SORCS2: variants seen among roughly 807,000 people sequenced by gnomAD.
The protein encoded by SORCS2 is VPS10 domain-containing receptor SorCS2.
SORCS2 carries 100 observed loss-of-function variants against 141.6 expected under a neutral mutation model. That is an observed-to-expected ratio of 0.71 (90% CI 0.60 to 0.83). The LOEUF (loss-of-function observed/expected upper bound fraction) is 0.83, where lower values mean the gene tolerates loss of function less well. SORCS2 is among the 40% of genes least tolerant of loss of function. The pLI, the probability that SORCS2 is intolerant of heterozygous loss-of-function variation, is 0.00. For synonymous variants in SORCS2, 789 were observed against 676.9 expected, an observed-to-expected ratio of 1.17 and a Z score of -2.57; for missense variants, 1,646 against 1,560.2, an observed-to-expected ratio of 1.05 and a Z score of -0.93.
chr4:7,696,244 C>T (rs994747684), intron 11 of SORCS2, among the ~76,000 whole-genome samples: 13 of 152,142 alleles, frequency 8.5e-5, no homozygotes, highest in African/African-American at 3.1e-4. Context: ...TCTGGGGCCC[C>T]AGAACAGCTT....
intron 3 of SORCS2, among the ~76,000 whole-genome samples, chr4:7,607,911 A>T (rs1171594103): frequency 2.0e-5 from 3 of 152,166 alleles, no homozygotes; most frequent in African/African-American, 7.2e-5. Flanking sequence ...TTGAAGTCAC[A>T]GTCCCCGGCT....
At chr4:7,728,498 C>T (rs370202349) in intron 22 of SORCS2, 36 bp downstream of exon 22, 322 of 1,486,278 alleles carry the variant, frequency 2.2e-4, no homozygotes, top group African/African-American at 5.0e-4. Flanking sequence ...CCCAGCCCCA[C>T]GGTGCTTCCG....
At position 7,718,169 on chromosome 4, in the gene SORCS2, G is replaced by A; in HGVS notation, c.2410G>A (p.Val804Met). 2.5e-6 allele frequency: 4 copies of A among 1,610,606 alleles called. No individual in the cohort carries two copies. The highest frequency in any genetic ancestry group is 3.4e-6 in the Non-Finnish European group (4 of 1,179,294). The change falls in exon 18 of 27, where the codon GTG (valine) becomes ATG (methionine). Residue 804 changes from valine (V) to methionine (M), a missense_variant. Coordinates refer to ENST00000507866, the MANE Select transcript of SORCS2 (RefSeq NM_020777.3). ...GCCTGGAGAGGACGTCCTGTTTGTG[G>A]TGCGGCAGGAGCAGGTGAGTGAGCA... ...VRPGEDVLFV[V>M]RQEQGDVLTT... is the part of the protein sequence containing the mutation.
chr4:7,383,177 C>G (rs566420534), intron 1 of SORCS2, among the ~76,000 whole-genome samples: 1 of 152,056 alleles, frequency 6.6e-6, no homozygotes, highest in Admixed American at 6.6e-5. Context: ...TAATTTGGTA[C>G]GGAGCTCAAG....
Position 7,244,793 on chromosome 4 carries a change from C to T in SORCS2, c.480+51667C>T, listed in dbSNP as rs115020592. On this transcript the variant is annotated intron_variant, in intron 1 of 26. Transcript: ENST00000507866. ...TTCGGCCATTGGGAAAAGGAGGCTGCAGCCGGGACAGGCTGCTCAGCAGCT... is the reference window on the plus strand; with the variant it reads ...TTCGGCCATTGGGAAAAGGAGGCTGTAGCCGGGACAGGCTGCTCAGCAGCT... Among the ~76,000 whole-genome samples, 1,471 of 152,356 alleles carry T rather than the reference C, an allele frequency of 9.7e-3. 25 individuals are homozygous for T. Among genetic ancestry groups the T allele is most frequent in the African/African-American group, 0.034 (1,406 of 41,586 alleles).
At chr4:7,537,457 A>C (rs1712222955) in intron 3 of SORCS2, among the ~76,000 whole-genome samples, 1 of 151,832 alleles carries the variant, frequency 6.6e-6, no homozygotes, top group Admixed American at 6.6e-5. Context: ...ACCCACACCC[A>C]CCCATTCAGC....
chr4:7,302,814 G>A lies in SORCS2; in HGVS notation c.481-93474G>A, dbSNP rs4689686. 6.1e-3 allele frequency among the ~76,000 whole-genome samples: 601 copies of A among 98,724 alleles called. 4 individuals carry two copies. Among genetic ancestry groups the A allele is most frequent in the African/African-American group, 0.018 (577 of 31,386 alleles). The allele number at this position is 98,724 out of a possible 152,430, so 64.8% of individuals were successfully genotyped here. Reference sequence around the variant, plus strand: ...GCGCGCGCGTGTGTGTGTGTTTGTAGGAGTGTTCTCCTATACCTTTTTACG... The same window carrying A: ...GCGCGCGCGTGTGTGTGTGTTTGTAAGAGTGTTCTCCTATACCTTTTTACG... On this transcript the variant is annotated intron_variant, in intron 1 of 26. Coordinates refer to ENST00000507866, the MANE Select transcript of SORCS2 (RefSeq NM_020777.3).
intron 1 of SORCS2, among the ~76,000 whole-genome samples, chr4:7,206,983 CTT>C (rs1282842436): frequency 1.7e-4 from 26 of 152,268 alleles, no homozygotes; most frequent in East Asian, 3.9e-4. Flanking sequence ...ACGGAAATGA[CTT>C]TGCAGCATCA....
chr4:7,640,889 G>A (rs190883449), intron 4 of SORCS2, among the ~76,000 whole-genome samples: 100 of 152,224 alleles, frequency 6.6e-4, no homozygotes, highest in African/African-American at 2.2e-3. Flanking sequence ...AATGCACTGA[G>A]GCTTCCCACA....
At chr4:7,229,925 G>C (rs113730640) in intron 1 of SORCS2, among the ~76,000 whole-genome samples, 1 of 147,190 alleles carries the variant, frequency 6.8e-6, no homozygotes, top group African/African-American at 2.5e-5. Context: ...TCAAGTCTTC[G>C]AGTCTCTGGG....
intron 2 of SORCS2, among the ~76,000 whole-genome samples, chr4:7,403,999 T>G (rs4326015): frequency 1.3e-4 from 1 of 7,566 alleles, no homozygotes; most frequent in Non-Finnish European, 3.7e-4. Context: ...ATATATATAT[T>G]TTTTTTTTTT....
At chr4:7,642,348 C>T (rs886766823) in intron 4 of SORCS2, among the ~76,000 whole-genome samples, 2 of 152,204 alleles carry the variant, frequency 1.3e-5, no homozygotes, top group Non-Finnish European at 2.9e-5. Context: ...CTTATTTTCC[C>T]GCAGAAATTG....
At chr4:7,287,781 G>C (rs888431059) in intron 1 of SORCS2, among the ~76,000 whole-genome samples, 1 of 152,204 alleles carries the variant, frequency 6.6e-6, no homozygotes, top group Non-Finnish European at 1.5e-5. Context: ...GTGGGTCTGC[G>C]GCTTCCTGTC....
At chr4:7,560,309 G>A (rs1425215902) in intron 3 of SORCS2, among the ~76,000 whole-genome samples, 8 of 152,176 alleles carry the variant, frequency 5.3e-5, no homozygotes. Context: ...TATGGGGTGG[G>A]ATGGAGGGCG....
At chr4:7,574,168 T>C (rs1237637209) in intron 3 of SORCS2, among the ~76,000 whole-genome samples, 1 of 152,260 alleles carries the variant, frequency 6.6e-6, no homozygotes, top group Non-Finnish European at 1.5e-5. Flanking sequence ...GAGCATCAGC[T>C]CAGAGAAGCG....
At chr4:7,352,108 G>T (rs1560212335) in intron 1 of SORCS2, among the ~76,000 whole-genome samples, 1 of 152,082 alleles carries the variant, frequency 6.6e-6, no homozygotes, top group Non-Finnish European at 1.5e-5. Flanking sequence ...GGTGGGGTTA[G>T]TTGCTTCTTC....
intron 1 of SORCS2, among the ~76,000 whole-genome samples, chr4:7,285,811 G>A (rs536096605): frequency 6.6e-6 from 1 of 152,356 alleles, no homozygotes. Context: ...GGGTGCGGGA[G>A]TGTGTGGGCC....
chr4:7,691,564 C>T (rs77210204), intron 11 of SORCS2, among the ~76,000 whole-genome samples: 2,697 of 152,148 alleles, frequency 0.018, 86 homozygotes, highest in African/African-American at 0.061. Context: ...TCTATATGCC[C>T]GGGGTCCTAG....
intron 1 of SORCS2, among the ~76,000 whole-genome samples, chr4:7,220,734 T>A (rs10023421): frequency 1.1e-4 from 17 of 151,970 alleles, no homozygotes; most frequent in African/African-American, 4.1e-4. Flanking sequence ...GGGTGGCCTC[T>A]CCAGGTGCGT....
Sources: gnomAD v4.1 joint callset for allele counts (sites outside exome capture counted in the v4.1 genomes callset) on GRCh38, gnomAD v4.1.1 for gene constraint, MANE v1.5 for transcripts, NCBI Gene and HGNC (gene_info 2026-07-23, HGNC 2026-07-21) for gene names.